PTPRJ: variants seen among roughly 807,000 people sequenced by gnomAD.
The protein encoded by PTPRJ is receptor-type tyrosine-protein phosphatase eta.
A neutral mutation model predicts 141.3 loss-of-function variants in PTPRJ; 129 were observed. The ratio of observed to expected loss-of-function variants is 0.91; its 90% CI spans 0.79 to 1.06. The LOEUF (loss-of-function observed/expected upper bound fraction) is 1.06, where lower values mean the gene tolerates loss of function less well. PTPRJ is among the 50% of genes least tolerant of loss of function. The probability of loss-of-function intolerance (pLI) is 0.00; values close to 1 mark genes in which losing one functional copy is unlikely to be tolerated. For synonymous variants in PTPRJ, 610 were observed against 640.5 expected, an observed-to-expected ratio of 0.95 and a Z score of 0.72; for missense variants, 1,601 against 1,679.7, an observed-to-expected ratio of 0.95 and a Z score of 0.82.
At chr11:48,159,123 G>GGGTGTGTGTGTC (rs1555058316) in intron 21 of PTPRJ, among the ~76,000 whole-genome samples, 115,145 of 139,376 alleles carry the variant, frequency 0.83, 47,738 homozygotes, top group African/African-American at 0.89. Context: ...TGTATGTGGG[G>GGGTGTGTGTGTC]TGTGTGTGTG....
intron 5 of PTPRJ, among the ~76,000 whole-genome samples, chr11:48,124,378 G>C (rs1331929159): frequency 6.6e-6 from 1 of 152,204 alleles, no homozygotes; most frequent in African/African-American, 2.4e-5. Context: ...GGATAGCTCA[G>C]ACAGAAGGAA....
intron 18 of PTPRJ, among the ~76,000 whole-genome samples, chr11:48,152,590 T>A (rs887388982): frequency 1.3e-5 from 2 of 152,256 alleles, no homozygotes; most frequent in African/African-American, 4.8e-5. Flanking sequence ...GGTCTGACAT[T>A]TAAGTCTTTA....
chr11:47,983,293 C>G (rs1033260133), intron 1 of PTPRJ, among the ~76,000 whole-genome samples: 1 of 152,024 alleles, frequency 6.6e-6, no homozygotes, highest in African/African-American at 2.4e-5. Flanking sequence ...AAAGTTGAAT[C>G]AATTTGAGAT....
At position 48,144,785 on chromosome 11, in the gene PTPRJ, C is replaced by T; in HGVS notation, c.2686C>T (p.Gln896Ter). 1 of 1,614,154 alleles carries T rather than the reference C, an allele frequency of 6.2e-7. No individual in the cohort carries two copies. The highest frequency in any genetic ancestry group is 8.5e-7 in the Non-Finnish European group (1 of 1,180,004). Residue 896 changes from glutamine to a stop codon, truncating the protein, a stop_gained, in exon 13 of 25, where the codon CAG becomes TAG. Coordinates refer to ENST00000418331, the MANE Select transcript of PTPRJ (RefSeq NM_002843.4). LOFTEE classifies it high-confidence loss of function. ...AAGAACAGAAGAAAAGGGACGTTCT[C>T]AGAGCTTGTCTGAAGTTTTGAAATA... is the stretch of plus-strand genomic sequence containing the variant. The part of the protein sequence containing the change: ...LIRTEEKGRS[Q>*]SLSEVLKYEI...
intron 1 of PTPRJ, among the ~76,000 whole-genome samples, chr11:48,012,962 G>A (rs1461450707): frequency 2.0e-5 from 3 of 151,904 alleles, no homozygotes; most frequent in African/African-American, 4.8e-5. Context: ...AAAATTAACC[G>A]GGTGTGGTGG....
intron 1 of PTPRJ, among the ~76,000 whole-genome samples, chr11:48,019,214 G>C (rs1388009304): frequency 6.6e-6 from 1 of 152,132 alleles, no homozygotes; most frequent in Non-Finnish European, 1.5e-5. Flanking sequence ...TGTGGCAGGG[G>C]CTGGGCGGGC....
intron 1 of PTPRJ, among the ~76,000 whole-genome samples, chr11:48,070,500 C>CAAAAAA (rs35904394): frequency 1.4e-5 from 1 of 73,238 alleles, no homozygotes; most frequent in Non-Finnish European, 2.9e-5. Context: ...ACTCTGTCTC[C>CAAAAAA]AAAAAAAAAA....
At chr11:48,163,099 A>G (rs1236566031) in intron 22 of PTPRJ, among the ~76,000 whole-genome samples, 2 of 152,130 alleles carry the variant, frequency 1.3e-5, no homozygotes, top group Non-Finnish European at 2.9e-5. Context: ...AAGGAGGTGC[A>G]GGTGTAAGAA....
chr11:48,167,614 T>TC lies in PTPRJ; in HGVS notation c.*257dup, dbSNP rs1857949146. On this transcript the variant is annotated 3_prime_UTR_variant, in exon 25 of 25. Coordinates refer to ENST00000418331, the MANE Select transcript of PTPRJ (RefSeq NM_002843.4). Reference sequence around the variant, plus strand: ...GGGATGAGGTCACTTTTTTTTTTTTTCCCCCTTGAGGATTGTGGAAAACCA... The same window carrying TC: ...GGGATGAGGTCACTTTTTTTTTTTTTCCCCCCTTGAGGATTGTGGAAAACCA... 3 of 334,918 alleles carry TC rather than the reference T, an allele frequency of 9.0e-6. No homozygotes were observed. The highest frequency in any genetic ancestry group is 1.2e-4 in the South Asian group (1 of 8,674). 20.7% of individuals were successfully genotyped at this position (334,918 alleles called of 1,614,324 possible). A position where few individuals can be genotyped will look rare whatever the true frequency, so the allele number is the denominator to read the frequency against.
At chr11:47,994,922 T>A (rs1854292629) in intron 1 of PTPRJ, among the ~76,000 whole-genome samples, 1 of 152,130 alleles carries the variant, frequency 6.6e-6, no homozygotes, top group East Asian at 1.9e-4. Flanking sequence ...GCAGACCCTC[T>A]GGGGGTGTGA....
chr11:48,006,346 C>A (rs1471385054), intron 1 of PTPRJ, among the ~76,000 whole-genome samples: 1 of 151,682 alleles, frequency 6.6e-6, no homozygotes, highest in East Asian at 1.9e-4. Flanking sequence ...GAAAGGAGGG[C>A]AGAATCTGCT....
chr11:48,083,169 T>C (rs1426241178), intron 1 of PTPRJ, among the ~76,000 whole-genome samples: 1 of 152,222 alleles, frequency 6.6e-6, no homozygotes, highest in Non-Finnish European at 1.5e-5. Context: ...CTCACGCCTG[T>C]AATCCCAGCA....
At chr11:48,110,410 G>A (rs1856409512) in intron 2 of PTPRJ, among the ~76,000 whole-genome samples, 1 of 152,064 alleles carries the variant, frequency 6.6e-6, no homozygotes, top group South Asian at 2.1e-4. Context: ...GCTTCCCCAT[G>A]TTGGTCTTGA....
At chr11:48,082,103 T>G (rs567256467) in intron 1 of PTPRJ, among the ~76,000 whole-genome samples, 1 of 152,368 alleles carries the variant, frequency 6.6e-6, no homozygotes, top group African/African-American at 2.4e-5. Flanking sequence ...TGGCACCTAC[T>G]AAGCGTCAGT....
rs1170831790 is a variant in PTPRJ at position 48,059,491 on chromosome 11, C to T, written c.97-50567C>T. On this transcript the variant is annotated intron_variant, in intron 1 of 24. Transcript: ENST00000418331. Reference sequence around the variant, plus strand: ...GCCCCTCCCTGAATTAGAATGGAGGCTACAGGGGGATGCTGGTCTGTTAGT... The same window carrying T: ...GCCCCTCCCTGAATTAGAATGGAGGTTACAGGGGGATGCTGGTCTGTTAGT... 2.0e-5 allele frequency among the ~76,000 whole-genome samples: 3 copies of T among 152,290 alleles called. No individual in the cohort carries two copies. In the East Asian group the frequency reaches 5.8e-4, roughly 29 times the overall value.
intron 21 of PTPRJ, among the ~76,000 whole-genome samples, chr11:48,156,527 A>G (rs1336939100): frequency 6.8e-6 from 1 of 146,598 alleles, no homozygotes; most frequent in African/African-American, 2.6e-5. Flanking sequence ...CAGCTCCATG[A>G]TTTTCAAATT....
chr11:48,038,637 G>C (rs192878832), intron 1 of PTPRJ, among the ~76,000 whole-genome samples: 2 of 151,706 alleles, frequency 1.3e-5, no homozygotes, highest in African/African-American at 2.4e-5. Flanking sequence ...GTCTACAGGC[G>C]CACGCCACCA....
intron 3 of PTPRJ, among the ~76,000 whole-genome samples, chr11:48,116,132 G>GT (rs1028081046): frequency 3.4e-5 from 5 of 147,380 alleles, no homozygotes; most frequent in African/African-American, 4.9e-5. Context: ...GCGTGAATGG[G>GT]TTAAAAAAAA....
At chr11:48,117,597 G>A (rs1283695591) in intron 3 of PTPRJ, among the ~76,000 whole-genome samples, 1 of 127,662 alleles carries the variant, frequency 7.8e-6, no homozygotes. Context: ...CCTCCAGCCT[G>A]GGTTTTGAGA....
Sources: gnomAD v4.1 joint callset for allele counts (sites outside exome capture counted in the v4.1 genomes callset) on GRCh38, gnomAD v4.1.1 for gene constraint, MANE v1.5 for transcripts, NCBI Gene and HGNC (gene_info 2026-07-23, HGNC 2026-07-21) for gene names.